Variants in APPL2 observed in about 807,000 individuals in gnomAD.
The protein encoded by APPL2 is DCC-interacting protein 13-beta.
Under a neutral mutation model 92.7 loss-of-function variants are expected in APPL2, and 84 were observed. The ratio of observed to expected loss-of-function variants is 0.91; its 90% CI spans 0.76 to 1.09. The LOEUF is 1.09. APPL2 is among the 50% of genes least tolerant of loss of function. APPL2 has a pLI of 0.00. For missense variants in APPL2, 736 were observed against 824.5 expected, an observed-to-expected ratio of 0.89 and a Z score of 1.31; for synonymous variants, 291 against 291.0, an observed-to-expected ratio of 1.00 and a Z score of 0.00.
At position 105,197,677 on chromosome 12, in the gene APPL2, C is replaced by T. The variant is rs74728310; in HGVS notation, c.1052+88G>A. ...AGATTGGGGCCTCTCCCACAGAGGG[C>T]TGGCACATAGGAATGAACTAGGAGG... On this transcript the variant is annotated intron_variant, in intron 11 of 20. Coordinates refer to ENST00000258530, the MANE Select transcript of APPL2 (RefSeq NM_018171.5). 15,319 of 1,513,220 alleles carry T rather than the reference C, an allele frequency of 0.01. 1,331 individuals carry two copies. In the African/African-American group the frequency reaches 0.19, roughly 19 times the overall value. 93.7% of individuals were successfully genotyped at this position (1,513,220 alleles called of 1,614,324 possible).
intron 17 of APPL2, among the ~76,000 whole-genome samples, chr12:105,186,622 T>TACGATATCG (rs1886639438): frequency 8.0e-6 from 1 of 125,678 alleles, no homozygotes; most frequent in African/African-American, 3.3e-5. Context: ...ATATCATATA[T>TACGATATCG]ATATCATATA....
intron 17 of APPL2, 126 bp from the exon 18 acceptor site, chr12:105,177,388 G>A (rs1885658801): frequency 1.0e-6 from 1 of 992,880 alleles, no homozygotes; most frequent in Non-Finnish European, 1.5e-6. Context: ...TAGAGGGTGA[G>A]GCGAGATAGC....
Position 105,188,376 on chromosome 12 carries a change from C to A in APPL2, c.1531G>T (p.Glu511Ter), listed in dbSNP as rs1363145520. 1 of 1,614,088 alleles carries A rather than the reference C, an allele frequency of 6.2e-7. No individual in the cohort carries two copies. The highest frequency in any genetic ancestry group is 8.5e-7 in the Non-Finnish European group (1 of 1,180,036). The change falls in exon 17 of 21, where the codon GAA (glutamate) becomes TAA (stop). Residue 511 changes from glutamate to a stop codon, truncating the protein, a stop_gained. Coordinates refer to ENST00000258530, the MANE Select transcript of APPL2 (RefSeq NM_018171.5). LOFTEE classifies it high-confidence loss of function. Reference sequence around the variant, plus strand: ...TGTCTCATCGCTTCATAAATCACTTCAGTAGTGCTGTCTGTTTTAACTGCC... The same window carrying A: ...TGTCTCATCGCTTCATAAATCACTTAAGTAGTGCTGTCTGTTTTAACTGCC... ...SMAVKTDSTT[E>*]VIYEAMRQVL...
In APPL2 at chr12:105,229,282, G is replaced by C. The variant is rs1029169510; in HGVS notation, c.55-59C>G. On this transcript the variant is annotated intron_variant, in intron 1 of 20. Coordinates refer to ENST00000258530, the MANE Select transcript of APPL2 (RefSeq NM_018171.5). ...TTCTAAGTGGAAAAGTTACAGAGGA[G>C]GAGGAAGATCCACACACCCGCACAT... The C allele has an allele frequency of 2.0e-6, 3 of 1,483,930 alleles. No individual in the cohort carries two copies. In the Admixed American group the frequency reaches 5.8e-5, roughly 29 times the overall value. 91.9% of individuals were successfully genotyped at this position (1,483,930 alleles called of 1,614,324 possible).
intron 17 of APPL2, among the ~76,000 whole-genome samples, chr12:105,180,561 T>C (rs1006265097): frequency 7.9e-5 from 12 of 152,242 alleles, no homozygotes; most frequent in African/African-American, 1.2e-4. Context: ...TTGGGCAGTA[T>C]GGCCATTTTC....
chr12:105,224,079 C>T (rs774651662), intron 2 of APPL2, among the ~76,000 whole-genome samples: 37 of 152,140 alleles, frequency 2.4e-4, no homozygotes, highest in Non-Finnish European at 5.0e-4. Context: ...CAATCAACAG[C>T]TTTTAGATTG....
intron 14 of APPL2, among the ~76,000 whole-genome samples, chr12:105,191,994 C>G (rs909713503): frequency 1.3e-5 from 2 of 152,158 alleles, no homozygotes; most frequent in Non-Finnish European, 2.9e-5. Context: ...CAGACGTTTT[C>G]TTTGCACTCC....
chr12:105,216,782 T>C (rs1330290451), intron 4 of APPL2, among the ~76,000 whole-genome samples: 1 of 152,268 alleles, frequency 6.6e-6, no homozygotes, highest in Non-Finnish European at 1.5e-5. Context: ...GGTAATTTAC[T>C]ATGGCAATCT....
intron 5 of APPL2, among the ~76,000 whole-genome samples, chr12:105,209,653 C>T (rs1030425745): frequency 1.3e-4 from 20 of 151,996 alleles, no homozygotes; most frequent in African/African-American, 4.8e-4. Flanking sequence ...TAGAGAAAAC[C>T]CTTCAAAAAA....
Position 105,174,100 on chromosome 12 carries a change from A to C in APPL2, c.*214T>G. ...AATCTAAGAAAAAAGACTTACCACA[A>C]AGCACCTAAAATAACATTGTAGATG... On this transcript the variant is annotated 3_prime_UTR_variant, in exon 21 of 21. Coordinates refer to ENST00000258530, the MANE Select transcript of APPL2 (RefSeq NM_018171.5). 1 of 491,966 alleles carries C rather than the reference A, an allele frequency of 2.0e-6. No individual in the cohort carries two copies. Among genetic ancestry groups the C allele is most frequent in the Non-Finnish European group, 3.4e-6 (1 of 296,344 alleles). 30.5% of individuals were successfully genotyped at this position (491,966 alleles called of 1,614,324 possible).
chr12:105,202,535 G>T (rs546938514), intron 9 of APPL2, among the ~76,000 whole-genome samples: 1 of 152,348 alleles, frequency 6.6e-6, no homozygotes, highest in East Asian at 1.9e-4. Flanking sequence ...GTTAAAGCAG[G>T]ATGAGGAAGA....
In APPL2 at chr12:105,203,774, A is replaced by T. The variant is rs766770728; in HGVS notation, c.633T>A (p.Phe211Leu). The change falls in exon 9 of 21, where the codon TTT becomes TTA. Residue 211 changes from phenylalanine to leucine, a missense_variant. Physicochemically the swap from Phe to Leu is conservative, Grantham distance 22. Coordinates refer to ENST00000258530, the MANE Select transcript of APPL2 (RefSeq NM_018171.5). ...IGFAHGQINF[F>L]KKGAEMFSKR... ...TGGAAAACATCTCTGCTCCCTTCTT[A>T]AAAAAGTTAATCTGAAAGATATAAT... 64 of 1,612,524 alleles carry T rather than the reference A, an allele frequency of 4.0e-5. No individual in the cohort carries two copies. Among genetic ancestry groups the T allele is most frequent in the African/African-American group, 1.3e-4 (10 of 74,908 alleles).
chr12:105,199,936 A>G (rs1248370835), intron 9 of APPL2, among the ~76,000 whole-genome samples: 1 of 151,172 alleles, frequency 6.6e-6, no homozygotes, highest in African/African-American at 2.4e-5. Flanking sequence ...CTCCTGCCTC[A>G]GCCTCTCGAG....
intron 3 of APPL2, among the ~76,000 whole-genome samples, chr12:105,217,426 C>T (rs1186642717): frequency 2.0e-5 from 3 of 152,074 alleles, no homozygotes; most frequent in Admixed American, 6.5e-5. Flanking sequence ...ACTTGTAGTT[C>T]CTTGGAGACT....
chr12:105,224,402 C>A (rs1183533703), intron 2 of APPL2, among the ~76,000 whole-genome samples: 3 of 152,240 alleles, frequency 2.0e-5, no homozygotes, highest in Non-Finnish European at 4.4e-5. Flanking sequence ...AAGGGTGGTT[C>A]TTCCATGATG....
chr12:105,227,965 A>C (rs1394830364), intron 2 of APPL2, among the ~76,000 whole-genome samples: 1 of 152,104 alleles, frequency 6.6e-6, no homozygotes, highest in Admixed American at 6.5e-5. Context: ...GCACAACCCC[A>C]CTAGGTTAGG....
At chr12:105,225,411 TA>T (rs1157217491) in intron 2 of APPL2, among the ~76,000 whole-genome samples, 1 of 152,192 alleles carries the variant, frequency 6.6e-6, no homozygotes, top group Non-Finnish European at 1.5e-5. Flanking sequence ...AAATCCATTT[TA>T]AAAGATTAGA....
At chr12:105,221,043 G>A (rs1890060005) in intron 2 of APPL2, among the ~76,000 whole-genome samples, 1 of 152,228 alleles carries the variant, frequency 6.6e-6, no homozygotes, top group Admixed American at 6.5e-5. Context: ...GCCCTGAACA[G>A]AGCACATTGT....
chr12:105,203,625 T>TC, intron 9 of APPL2, 78 bp downstream of exon 9: 1 of 1,379,652 alleles, frequency 7.2e-7, no homozygotes, highest in Middle Eastern at 1.8e-4. Context: ...GTTAGAACCC[T>TC]CCCCGTGACC....
Sources: allele counts gnomAD v4.1 joint callset (sites outside exome capture counted in the v4.1 genomes callset), GRCh38; gene constraint gnomAD v4.1.1; transcripts MANE v1.5; gene names NCBI Gene and HGNC (gene_info 2026-07-23, HGNC 2026-07-21).